Variants in RBM25 observed in about 807,000 individuals in gnomAD.
RBM25 encodes the protein RNA binding motif protein 25.
Under a neutral mutation model 120.7 loss-of-function variants are expected in RBM25, and 19 were observed. That is an observed-to-expected ratio of 0.16 (90% confidence interval 0.11 to 0.23). The LOEUF (loss-of-function observed/expected upper bound fraction) is 0.23, where lower values mean the gene tolerates loss of function less well. Ranked by LOEUF, RBM25 falls within the 10% of genes least tolerant of loss-of-function variation. The pLI is 1.00. For missense variants in RBM25, 605 were observed against 1,041.5 expected, an observed-to-expected ratio of 0.58 and a Z score of 5.77; for synonymous variants, 390 against 326.7, an observed-to-expected ratio of 1.19 and a Z score of -2.09.
chr14:73,108,311 A>G (rs1896233261), intron 13 of RBM25, among the ~76,000 whole-genome samples: 1 of 152,140 alleles, frequency 6.6e-6, no homozygotes, highest in Non-Finnish European at 1.5e-5. Flanking sequence ...CAGTCTCTTG[A>G]GTAGGTTGGA....
intron 12 of RBM25, among the ~76,000 whole-genome samples, chr14:73,106,824 CAT>C (rs1340111532): frequency 2.0e-5 from 3 of 151,270 alleles, no homozygotes; most frequent in Non-Finnish European, 4.4e-5. Context: ...TACATGTATA[CAT>C]ATATATGTAT....
chr14:73,065,962 T>C (rs2140421757), intron 1 of RBM25, among the ~76,000 whole-genome samples: 1 of 152,316 alleles, frequency 6.6e-6, no homozygotes, highest in East Asian at 1.9e-4. Flanking sequence ...GGCTAGGCAC[T>C]GGGCCATTGC....
chr14:73,063,721 T>G (rs974949564), intron 1 of RBM25, among the ~76,000 whole-genome samples: 1 of 151,372 alleles, frequency 6.6e-6, no homozygotes, highest in Admixed American at 6.6e-5. Flanking sequence ...ATATGGATTA[T>G]TGTACCAGTC....
chr14:73,115,045 T>C (rs941678312), intron 18 of RBM25, among the ~76,000 whole-genome samples: 7 of 152,142 alleles, frequency 4.6e-5, no homozygotes, highest in Admixed American at 1.3e-4. Context: ...GATGTACTTG[T>C]TTGAATTAGA....
intron 9 of RBM25, 177 bp from the exon 10 acceptor site, chr14:73,103,015 A>G (rs1896085076): frequency 4.4e-6 from 6 of 1,364,186 alleles, no homozygotes; most frequent in Non-Finnish European, 6.0e-6. Flanking sequence ...GTTTTGCACG[A>G]AATCTTTCTA....
At chr14:73,081,294 C>T (rs1488707857) in intron 4 of RBM25, among the ~76,000 whole-genome samples, 3 of 152,154 alleles carry the variant, frequency 2.0e-5, no homozygotes, top group Non-Finnish European at 4.4e-5. Flanking sequence ...CCCGCCACCA[C>T]GTCCGGCTAA....
chr14:73,085,819 C>A (rs1895672624), intron 5 of RBM25, among the ~76,000 whole-genome samples: 1 of 152,172 alleles, frequency 6.6e-6, no homozygotes, highest in African/African-American at 2.4e-5. Flanking sequence ...GAGTTGCTAT[C>A]CTCAGCATTC....
At chr14:73,091,810 G>A (rs183081710) in intron 6 of RBM25, among the ~76,000 whole-genome samples, 4 of 152,188 alleles carry the variant, frequency 2.6e-5, no homozygotes, top group South Asian at 2.1e-4. Flanking sequence ...CCCAGGAGGC[G>A]GAGGTTACAG....
intron 1 of RBM25, among the ~76,000 whole-genome samples, chr14:73,064,467 T>C (rs1407594987): frequency 6.6e-6 from 1 of 151,350 alleles, no homozygotes; most frequent in African/African-American, 2.4e-5. Context: ...CGGTCCCAGC[T>C]CACTGCAACC....
Position 73,123,818 on chromosome 14 carries a change from TAA to T in RBM25, c.*4016_*4017del, listed in dbSNP as rs1896572954. On this transcript the variant is annotated 3_prime_UTR_variant, in exon 19 of 19. Transcript: ENST00000261973. ...AAGGCGAAATTAAAGAATGGCAGTC[TAA>T]AATACCCAGGTAAAGAAGATAATTT... is the stretch of plus-strand genomic sequence containing the variant. The T allele has an allele frequency of 6.6e-6, 1 of 152,066 alleles. No homozygotes were observed. The highest frequency in any genetic ancestry group is 1.5e-5 in the Non-Finnish European group (1 of 68,024). 9.4% of individuals were successfully genotyped at this position (152,066 alleles called of 1,614,324 possible).
chr14:73,060,231 G>T (rs558982784), intron 1 of RBM25, among the ~76,000 whole-genome samples: 4 of 151,288 alleles, frequency 2.6e-5, no homozygotes, highest in African/African-American at 7.3e-5. Context: ...TAGAGGCGAG[G>T]TTTCACTATG....
chr14:73,115,062 G>C (rs929233067), intron 18 of RBM25, among the ~76,000 whole-genome samples: 1 of 152,150 alleles, frequency 6.6e-6, no homozygotes, highest in Admixed American at 6.5e-5. Flanking sequence ...TAGATATGTA[G>C]AAAGGATAAT....
chr14:73,119,992 A>G lies in RBM25; in HGVS notation c.*187A>G. The G allele has an allele frequency of 1.2e-6, 1 of 821,452 alleles. No individual in the cohort carries two copies. The highest frequency in any genetic ancestry group is 1.7e-6 in the Non-Finnish European group (1 of 580,046). The allele number at this position is 821,452 out of a possible 1,614,324, so 50.9% of individuals were successfully genotyped here. On this transcript the variant is annotated 3_prime_UTR_variant, in exon 19 of 19. Coordinates refer to ENST00000261973, the MANE Select transcript of RBM25 (RefSeq NM_021239.3). The stretch of plus-strand genomic sequence containing the variant: ...CTCCCTTGGTTGTAAAGTCATCTGA[A>G]TCCTTGGTTCTCTTTATACTCACCA...
rs1290389495 is a variant in RBM25 at position 73,099,239 on chromosome 14, C to G, written c.730-141C>G. ...TAAAAAGAGTGAAATCACTTCTATT[C>G]CCAAGTAATTTGAAATCAAGAAAGC... On this transcript the variant is annotated intron_variant, in intron 7 of 18. Transcript: ENST00000261973. 3 of 717,990 alleles carry G rather than the reference C, an allele frequency of 4.2e-6. No individual in the cohort carries two copies. The East Asian group carries it at 8.7e-5, about 21-fold the overall frequency. 44.5% of individuals were successfully genotyped at this position (717,990 alleles called of 1,614,324 possible).
In RBM25 at chr14:73,119,859, G is replaced by T; in HGVS notation, c.*54G>T. Reference sequence around the variant, plus strand: ...GATTTCTTCTTTGCCACCCTTTTAAGGACTTTGAATTTTTCTTTGTCTTTG... The same window carrying T: ...GATTTCTTCTTTGCCACCCTTTTAATGACTTTGAATTTTTCTTTGTCTTTG... On this transcript the variant is annotated 3_prime_UTR_variant, in exon 19 of 19. Coordinates refer to ENST00000261973, the MANE Select transcript of RBM25 (RefSeq NM_021239.3). 1 of 1,553,916 alleles carries T rather than the reference G, an allele frequency of 6.4e-7. No individual in the cohort carries two copies. Among genetic ancestry groups the T allele is most frequent in the Non-Finnish European group, 8.6e-7 (1 of 1,161,238 alleles).
intron 18 of RBM25, 24 bp from the exon 19 acceptor site, chr14:73,119,689 G>A: frequency 6.2e-7 from 1 of 1,609,526 alleles, no homozygotes; most frequent in South Asian, 1.1e-5. Context: ...TCTTACATGT[G>A]TTGCTGTTTT....
intron 12 of RBM25, among the ~76,000 whole-genome samples, chr14:73,106,511 A>C (rs1896191565): frequency 6.6e-6 from 1 of 152,140 alleles, no homozygotes; most frequent in Admixed American, 6.5e-5. Flanking sequence ...TATACCATCA[A>C]AGTAAATTTG....
rs2140462440 is a variant in RBM25 at position 73,111,003 on chromosome 14, C to G, written c.1865C>G (p.Ser622Cys). The part of the protein sequence containing the change: ...CLKPTLRPIS[S>C]APSVSSASGN... ...AAACCTACTCTGAGGCCCATCAGCT[C>G]TGCTCCATCTGTTTCCTCTGCCAGT... The change falls in exon 15 of 19, where the codon TCT becomes TGT. Residue 622 changes from serine (S) to cysteine (C), a missense_variant. Around this residue, in one of 4 missense-constraint regions of RBM25, gnomAD observed 465 missense variants for 741.6 expected, o/e 0.63. Coordinates refer to ENST00000261973, the MANE Select transcript of RBM25 (RefSeq NM_021239.3). The G allele has an allele frequency of 6.2e-7, 1 of 1,614,126 alleles. No homozygotes were observed. The highest frequency in any genetic ancestry group is 8.5e-7 in the Non-Finnish European group (1 of 1,179,996).
At chr14:73,076,277 G>A (rs1355208287) in intron 2 of RBM25, 42 bp from the exon 3 acceptor site, 3 of 1,506,072 alleles carry the variant, frequency 2.0e-6, no homozygotes, top group Non-Finnish European at 1.8e-6. Context: ...TGTTGATAGA[G>A]AATGCAGTCA....
Sources: allele counts gnomAD v4.1 joint callset (sites outside exome capture counted in the v4.1 genomes callset), GRCh38; gene constraint gnomAD v4.1.1; regional missense constraint gnomAD v4.1.1; transcripts MANE v1.5; gene names NCBI Gene and HGNC (gene_info 2026-07-23, HGNC 2026-07-21).